Variants in APC observed in about 807,000 individuals in gnomAD.
APC encodes the protein APC regulator of Wnt signaling pathway.
In APC, 72 loss-of-function variants were observed where a neutral mutation model predicts 247.0. The observed-to-expected ratio is 0.29, with a 90% CI of 0.24 to 0.35. The LOEUF (loss-of-function observed/expected upper bound fraction) is 0.35. APC is among the 10% of genes least tolerant of loss of function. The pLI is 1.00. For synonymous variants in APC, 1,254 were observed against 1,162.5 expected, an observed-to-expected ratio of 1.08 and a Z score of -1.60; for missense variants, 3,400 against 3,360.7, an observed-to-expected ratio of 1.01 and a Z score of -0.29.
intron 1 of APC, among the ~76,000 whole-genome samples, chr5:112,721,049 A>C (rs1369395891): frequency 6.6e-6 from 1 of 152,186 alleles, no homozygotes; most frequent in East Asian, 1.9e-4. Context: ...GAACACAGTA[A>C]GTAAGGTGAG....
chr5:112,815,050 A>G (rs748386873), intron 8 of APC, among the ~76,000 whole-genome samples: 15 of 152,184 alleles, frequency 9.9e-5, no homozygotes, highest in Non-Finnish European at 1.9e-4. Flanking sequence ...TTTGTCCAGT[A>G]AAAGTTTTAA....
chr5:112,709,617 T>C (rs1213796229), intron 1 of APC, among the ~76,000 whole-genome samples: 2 of 152,154 alleles, frequency 1.3e-5, no homozygotes, highest in African/African-American at 2.4e-5. Context: ...CCTCTCACTT[T>C]GGCAGGGTGT....
At chr5:112,713,529 A>G (rs1208580616) in intron 1 of APC, among the ~76,000 whole-genome samples, 2 of 152,250 alleles carry the variant, frequency 1.3e-5, no homozygotes, top group Non-Finnish European at 2.9e-5. Context: ...GAGGGTAAGC[A>G]AATGGCTGAT....
At chr5:112,760,929 C>T (rs2901844) in intron 2 of APC, among the ~76,000 whole-genome samples, 61,270 of 151,874 alleles carry the variant, frequency 0.4, 14,639 homozygotes, top group East Asian at 0.65. Context: ...TCTGCCTCAG[C>T]CTCCCAAGTA....
intron 8 of APC, among the ~76,000 whole-genome samples, chr5:112,802,425 A>G (rs1326240747): frequency 6.6e-6 from 1 of 152,116 alleles, no homozygotes. Flanking sequence ...CAACATTTAT[A>G]TATTCCTACA....
At chr5:112,794,216 C>T (rs375860959) in intron 7 of APC, among the ~76,000 whole-genome samples, 4 of 152,084 alleles carry the variant, frequency 2.6e-5, no homozygotes, top group South Asian at 2.1e-4. Flanking sequence ...CCTCAGCCCC[C>T]GAGTAGCTCA....
rs182514460 is a variant in APC at position 112,774,375 on chromosome 5, A to G, written c.423-1254A>G. Among the ~76,000 whole-genome samples, 652 of 152,234 alleles carry G rather than the reference A, an allele frequency of 4.3e-3. 4 individuals are homozygous for G. Among genetic ancestry groups the G allele is most frequent in the African/African-American group, 0.015 (622 of 41,534 alleles). On this transcript the variant is annotated intron_variant, in intron 4 of 15. Transcript: ENST00000257430. Reference sequence around the variant, plus strand: ...GATGCCCAACTGGTAAGTATAATAGAAATATTCCAAAATCCAAAAACACTT... The same window carrying G: ...GATGCCCAACTGGTAAGTATAATAGGAATATTCCAAAATCCAAAAACACTT...
At chr5:112,775,940 G>A (rs1249853897) in intron 5 of APC, among the ~76,000 whole-genome samples, 2 of 152,122 alleles carry the variant, frequency 1.3e-5, no homozygotes, top group African/African-American at 4.8e-5. Context: ...GTGCTCAAAT[G>A]TTTTATTTAA....
At chr5:112,709,562 T>C (rs912905630) in intron 1 of APC, among the ~76,000 whole-genome samples, 2 of 152,242 alleles carry the variant, frequency 1.3e-5, no homozygotes, top group Admixed American at 6.5e-5. Context: ...GCAAAATGAT[T>C]TGTAGCTCTG....
chr5:112,770,032 CT>C (rs1261868398), intron 4 of APC, among the ~76,000 whole-genome samples: 1 of 152,194 alleles, frequency 6.6e-6, no homozygotes, highest in Non-Finnish European at 1.5e-5. Flanking sequence ...GCATACTAAC[CT>C]TTCCTTACTT....
chr5:112,749,070 T>G (rs923761191), intron 1 of APC, among the ~76,000 whole-genome samples: 2 of 152,198 alleles, frequency 1.3e-5, no homozygotes, highest in Non-Finnish European at 2.9e-5. Context: ...TAAGATGGTT[T>G]TTCTTTAGTA....
intron 1 of APC, among the ~76,000 whole-genome samples, chr5:112,732,665 A>G (rs1226248342): frequency 6.6e-6 from 1 of 152,228 alleles, no homozygotes; most frequent in Non-Finnish European, 1.5e-5. Flanking sequence ...GATATGAGAC[A>G]AAATCAGGTG....
chr5:112,821,661 A>C (rs1310062250), intron 10 of APC, among the ~76,000 whole-genome samples: 2 of 151,792 alleles, frequency 1.3e-5, no homozygotes, highest in Non-Finnish European at 2.9e-5. Context: ...ATTCTAAGAG[A>C]CTTAGTCAAG....
intron 13 of APC, 148 bp downstream of exon 13, chr5:112,828,154 G>C: frequency 1.4e-6 from 1 of 727,554 alleles, no homozygotes; most frequent in Non-Finnish European, 2.4e-6. Flanking sequence ...TCCCACTTCA[G>C]CCTCTCGAGG....
intron 14 of APC, 145 bp downstream of exon 14, chr5:112,829,117 C>A (rs1764048849): frequency 1.6e-6 from 1 of 643,354 alleles, no homozygotes; most frequent in Non-Finnish European, 2.8e-6. Flanking sequence ...GCTTTTTTTG[C>A]TGCCTTCTTT....
At chr5:112,777,286 A>G (rs1001497976) in intron 5 of APC, among the ~76,000 whole-genome samples, 2 of 152,122 alleles carry the variant, frequency 1.3e-5, no homozygotes, top group African/African-American at 4.8e-5. Context: ...ACACACACGA[A>G]AAAAAAACAA....
At chr5:112,742,485 A>T (rs140184402) in intron 1 of APC, among the ~76,000 whole-genome samples, 54 of 152,344 alleles carry the variant, frequency 3.5e-4, no homozygotes, top group African/African-American at 6.7e-4. Flanking sequence ...CTTATGAAGT[A>T]GCAGTCACGA....
chr5:112,801,083 A>G (rs1352674694), intron 7 of APC, among the ~76,000 whole-genome samples, 196 bp from the exon 8 acceptor site: 1 of 152,144 alleles, frequency 6.6e-6, no homozygotes, highest in Non-Finnish European at 1.5e-5. Context: ...CAAGGGACAC[A>G]CTTCACTTTC....
intron 11 of APC, among the ~76,000 whole-genome samples, chr5:112,825,895 T>C (rs1763609868): frequency 6.6e-6 from 1 of 152,210 alleles, no homozygotes; most frequent in Admixed American, 6.5e-5. Context: ...CTGATTTTTG[T>C]TCACTGTCTC....
Sources: gnomAD v4.1 joint callset for allele counts (sites outside exome capture counted in the v4.1 genomes callset) on GRCh38, gnomAD v4.1.1 for gene constraint, MANE v1.5 for transcripts, NCBI Gene and HGNC (gene_info 2026-07-23, HGNC 2026-07-21) for gene names.